LRP1B: variants seen among roughly 807,000 people sequenced by gnomAD.
LRP1B encodes low-density lipoprotein receptor-related protein 1B.
Under a neutral mutation model 556.6 loss-of-function variants are expected in LRP1B, and 217 were observed. That is an observed-to-expected ratio of 0.39 (90% CI 0.35 to 0.44). The LOEUF (loss-of-function observed/expected upper bound fraction) is 0.44, where lower values mean the gene tolerates loss of function less well. Among genes scored for constraint, LRP1B ranks in the 20% least tolerant of loss-of-function variants. The probability of loss-of-function intolerance (pLI) is 1.00; values close to 1 mark genes in which losing one functional copy is unlikely to be tolerated. For missense variants in LRP1B, 5,053 were observed against 5,620.8 expected (o/e 0.90, Z 3.23); for synonymous variants, 2,047 against 1,865.8 (o/e 1.10, Z -2.50).
chr2:140,668,789 A>G (rs371738127), intron 41 of LRP1B, among the ~76,000 whole-genome samples: 10 of 151,888 alleles, frequency 6.6e-5, no homozygotes, highest in African/African-American at 2.2e-4. Flanking sequence ...CAAATGGTGA[A>G]TGCCACAAAG....
At chr2:140,706,677 T>C (rs997415664) in intron 37 of LRP1B, among the ~76,000 whole-genome samples, 7 of 152,192 alleles carry the variant, frequency 4.6e-5, no homozygotes, top group African/African-American at 1.2e-4. Flanking sequence ...TTTGGATAAA[T>C]AGGTAAAAAG....
chr2:140,322,506 C>A (rs965326348), intron 81 of LRP1B, among the ~76,000 whole-genome samples: 1 of 151,742 alleles, frequency 6.6e-6, no homozygotes, highest in Non-Finnish European at 1.5e-5. Context: ...TTCTAACAGA[C>A]AAAAACAATC....
Position 140,898,817 on chromosome 2 carries a change from C to A in LRP1B, c.3766+4103G>T, listed in dbSNP as rs144468337. ...CACCCAACTTTGTAGCCTAGGCCACCGGATGTGGTGGATCTTTCCAAGAAC... is the reference window on the plus strand; with the variant it reads ...CACCCAACTTTGTAGCCTAGGCCACAGGATGTGGTGGATCTTTCCAAGAAC... On this transcript the variant is annotated intron_variant, in intron 23 of 90. Coordinates refer to ENST00000389484, the MANE Select transcript of LRP1B (RefSeq NM_018557.3). The A allele has an allele frequency of 1.7e-3, 886 of 506,730 alleles. 10 individuals are homozygous for A. The highest frequency in any genetic ancestry group is 0.014 in the African/African-American group (730 of 51,778). 31.4% of individuals were successfully genotyped at this position (506,730 alleles called of 1,614,324 possible).
chr2:142,108,246 T>C (rs1475800248), intron 1 of LRP1B, among the ~76,000 whole-genome samples: 3 of 152,168 alleles, frequency 2.0e-5, no homozygotes, highest in South Asian at 2.1e-4. Context: ...AATAAATCTT[T>C]CCTATGATTT....
intron 2 of LRP1B, among the ~76,000 whole-genome samples, chr2:141,654,490 C>CT (rs1689926579): frequency 6.6e-6 from 1 of 152,104 alleles, no homozygotes; most frequent in African/African-American, 2.4e-5. Context: ...CTGGAGCAGA[C>CT]TCAGGGTCTG....
intron 41 of LRP1B, among the ~76,000 whole-genome samples, chr2:140,650,537 C>T (rs566185653): frequency 9.2e-4 from 139 of 151,900 alleles, no homozygotes; most frequent in South Asian, 2.7e-3. Flanking sequence ...TTAGAAGAGA[C>T]GGTGTTTCAC....
chr2:141,254,398 T>C, intron 4 of LRP1B, 124 bp downstream of exon 4: 2 of 967,052 alleles, frequency 2.1e-6, no homozygotes, highest in Non-Finnish European at 3.0e-6. Context: ...CTTTTAAATC[T>C]CAAGAAAGAA....
chr2:141,471,710 T>A (rs6745352), intron 3 of LRP1B, among the ~76,000 whole-genome samples: 146,204 of 152,266 alleles, frequency 0.96, 70,484 homozygotes, highest in East Asian at 1. Flanking sequence ...AGAAAATATG[T>A]CTTTCTGAAT....
intron 2 of LRP1B, among the ~76,000 whole-genome samples, chr2:141,702,174 G>C (rs1327138589): frequency 6.6e-6 from 1 of 151,860 alleles, no homozygotes; most frequent in Non-Finnish European, 1.5e-5. Flanking sequence ...CATGGAGGTA[G>C]GAATGACCAT....
At chr2:140,938,964 C>A (rs1443578988) in intron 20 of LRP1B, among the ~76,000 whole-genome samples, 1 of 151,918 alleles carries the variant, frequency 6.6e-6, no homozygotes, top group Non-Finnish European at 1.5e-5. Flanking sequence ...TTTATTGAAT[C>A]CTGACTGAAA....
Position 142,057,315 on chromosome 2 carries a change from G to A in LRP1B, c.82+73333C>T, listed in dbSNP as rs115281187. ...AAGAAGGCAGTACCTGTGCCTAAACGATCAGAGATCAGGGCCATGAAATCA... is the reference window on the plus strand; with the variant it reads ...AAGAAGGCAGTACCTGTGCCTAAACAATCAGAGATCAGGGCCATGAAATCA... On this transcript the variant is annotated intron_variant, in intron 1 of 90. Transcript: ENST00000389484. Among the ~76,000 whole-genome samples the A allele has an allele frequency of 1.8e-3, 269 of 152,216 alleles. 2 individuals are homozygous for A. Among genetic ancestry groups the A allele is most frequent in the African/African-American group, 5.9e-3 (244 of 41,554 alleles).
chr2:141,448,112 C>A (rs1459758991), intron 3 of LRP1B, among the ~76,000 whole-genome samples: 1 of 152,174 alleles, frequency 6.6e-6, no homozygotes, highest in African/African-American at 2.4e-5. Context: ...AGATGCCATG[C>A]CCAGAGAGGA....
At chr2:140,533,282 A>G (rs1053231442) in intron 47 of LRP1B, among the ~76,000 whole-genome samples, 2 of 152,052 alleles carry the variant, frequency 1.3e-5, no homozygotes, top group African/African-American at 4.8e-5. Context: ...TACTGTTCTA[A>G]CCTTATTTAA....
chr2:140,739,293 C>T (rs1269909334), intron 35 of LRP1B, among the ~76,000 whole-genome samples: 1 of 150,814 alleles, frequency 6.6e-6, no homozygotes, highest in Non-Finnish European at 1.5e-5. Flanking sequence ...GTCAGAAGAA[C>T]AACAACTGTG....
intron 3 of LRP1B, among the ~76,000 whole-genome samples, chr2:141,270,899 C>T (rs2105368622): frequency 6.6e-6 from 1 of 151,860 alleles, no homozygotes; most frequent in South Asian, 2.1e-4. Flanking sequence ...TACTTAATAC[C>T]ACTGAACTAT....
chr2:140,821,998 C>CAA (rs374956852), intron 31 of LRP1B, among the ~76,000 whole-genome samples: 12 of 117,978 alleles, frequency 1.0e-4, no homozygotes, highest in South Asian at 5.4e-4. Context: ...GACTCCGTCT[C>CAA]AAAAAAAAAA....
intron 44 of LRP1B, 116 bp from the exon 45 acceptor site, chr2:140,541,214 A>G: frequency 1.1e-6 from 1 of 890,040 alleles, no homozygotes; most frequent in South Asian, 1.8e-5. Flanking sequence ...TGTCATTAAA[A>G]AGGAACATTC....
At chr2:141,952,842 T>C (rs993747305) in intron 1 of LRP1B, among the ~76,000 whole-genome samples, 2 of 152,152 alleles carry the variant, frequency 1.3e-5, no homozygotes, top group African/African-American at 4.8e-5. Context: ...TGTGTGGTAG[T>C]TTTTATGTTT....
intron 25 of LRP1B, 87 bp downstream of exon 25, chr2:140,883,730 A>G: frequency 7.9e-7 from 1 of 1,272,160 alleles, no homozygotes; most frequent in Admixed American, 2.2e-5. Context: ...ACTTTGACTC[A>G]TAATTGATGA....
Sources: allele counts gnomAD v4.1 joint callset (sites outside exome capture counted in the v4.1 genomes callset), GRCh38; gene constraint gnomAD v4.1.1; transcripts MANE v1.5; gene names NCBI Gene and HGNC (gene_info 2026-07-23, HGNC 2026-07-21).